Variants in HS6ST3 observed in about 807,000 individuals in gnomAD.
HS6ST3 encodes the protein heparan-sulfate 6-O-sulfotransferase 3.
In HS6ST3, 12 loss-of-function variants were observed where a neutral mutation model predicts 36.7. The observed-to-expected ratio is 0.33, with a 90% CI of 0.21 to 0.53. HS6ST3 has a LOEUF of 0.53. HS6ST3 is among the 20% of genes least tolerant of loss of function. HS6ST3 has a pLI of 0.95. For missense variants in HS6ST3, 584 were observed against 640.9 expected (o/e 0.91, Z 0.96); for synonymous variants, 240 against 257.5 (o/e 0.93, Z 0.65).
intron 1 of HS6ST3, among the ~76,000 whole-genome samples, chr13:96,813,233 G>C (rs896830280): frequency 1.3e-5 from 2 of 152,172 alleles, no homozygotes; most frequent in African/African-American, 4.8e-5. Context: ...GACAGAAAAT[G>C]TTAAAAACAC....
At chr13:96,800,098 C>T (rs961244129) in intron 1 of HS6ST3, among the ~76,000 whole-genome samples, 8 of 148,162 alleles carry the variant, frequency 5.4e-5, no homozygotes, top group African/African-American at 2.0e-4. Context: ...GCCCTTGTTA[C>T]TCTTGGGCAT....
At position 96,154,092 on chromosome 13, in the gene HS6ST3, G is replaced by A. The variant is rs567450569; in HGVS notation, c.707+62523G>A. ...ATTTTATATAAAACAGCACACTATC[G>A]GGCACTTAGTGATTTTTCAGTGAAA... On this transcript the variant is annotated intron_variant, in intron 1 of 1. Transcript: ENST00000376705. 3.9e-5 allele frequency among the ~76,000 whole-genome samples: 6 copies of A among 151,922 alleles called. No individual in the cohort carries two copies. In the South Asian group the frequency reaches 6.3e-4, roughly 16 times the overall value.
At chr13:96,771,561 A>G (rs1472512695) in intron 1 of HS6ST3, among the ~76,000 whole-genome samples, 1 of 152,226 alleles carries the variant, frequency 6.6e-6, no homozygotes, top group African/African-American at 2.4e-5. Flanking sequence ...GGAGAAACCT[A>G]ATGATTCCAG....
intron 1 of HS6ST3, among the ~76,000 whole-genome samples, chr13:96,458,626 A>G (rs1477359514): frequency 5.3e-5 from 8 of 151,780 alleles, no homozygotes; most frequent in Non-Finnish European, 1.0e-4. Context: ...TACATTTGTC[A>G]AGTTCTCAAG....
At chr13:96,331,788 C>G (rs1028266889) in intron 1 of HS6ST3, among the ~76,000 whole-genome samples, 1 of 151,994 alleles carries the variant, frequency 6.6e-6, no homozygotes, top group Non-Finnish European at 1.5e-5. Flanking sequence ...GCCTCGCTGC[C>G]GCCTTGCAGT....
intron 1 of HS6ST3, among the ~76,000 whole-genome samples, chr13:96,609,543 CTG>C (rs2056450281): frequency 6.6e-6 from 1 of 152,106 alleles, no homozygotes; most frequent in Non-Finnish European, 1.5e-5. Context: ...CCATTGTAAA[CTG>C]AGGCATGTGT....
At chr13:96,531,992 C>G (rs887459760) in intron 1 of HS6ST3, among the ~76,000 whole-genome samples, 2 of 152,310 alleles carry the variant, frequency 1.3e-5, no homozygotes, top group East Asian at 1.9e-4. Flanking sequence ...TAGAACATAC[C>G]TACCTCCCAA....
chr13:96,497,731 A>G (rs1029031615), intron 1 of HS6ST3, among the ~76,000 whole-genome samples: 4 of 152,114 alleles, frequency 2.6e-5, no homozygotes, highest in African/African-American at 7.2e-5. Flanking sequence ...AGGCTTCAGA[A>G]CTGGTTAAAA....
chr13:96,797,269 T>G (rs1413328254), intron 1 of HS6ST3, among the ~76,000 whole-genome samples: 4 of 152,088 alleles, frequency 2.6e-5, no homozygotes, highest in Non-Finnish European at 4.4e-5. Flanking sequence ...GATCTGGGGC[T>G]ACACTGATAC....
At chr13:96,820,958 A>G (rs988726618) in intron 1 of HS6ST3, among the ~76,000 whole-genome samples, 14 of 152,318 alleles carry the variant, frequency 9.2e-5, no homozygotes, top group East Asian at 3.9e-4. Flanking sequence ...CTTTATTTCA[A>G]TTCTCTTGCA....
intron 1 of HS6ST3, among the ~76,000 whole-genome samples, chr13:96,726,966 G>T (rs963234110): frequency 5.3e-5 from 8 of 152,148 alleles, no homozygotes; most frequent in Middle Eastern, 3.4e-3. Context: ...TGCTTTCTTT[G>T]CTACTCTGTG....
At chr13:96,408,890 C>A (rs546922933) in intron 1 of HS6ST3, among the ~76,000 whole-genome samples, 1 of 152,106 alleles carries the variant, frequency 6.6e-6, no homozygotes, top group East Asian at 1.9e-4. Context: ...TGCCACTGCA[C>A]TCCAGCTTTG....
At chr13:96,345,373 T>G (rs1420422099) in intron 1 of HS6ST3, among the ~76,000 whole-genome samples, 1 of 152,232 alleles carries the variant, frequency 6.6e-6, no homozygotes, top group Non-Finnish European at 1.5e-5. Context: ...TTTGTCTTAG[T>G]GACTGGATTA....
intron 1 of HS6ST3, among the ~76,000 whole-genome samples, chr13:96,600,075 A>C (rs557576343): frequency 6.6e-6 from 1 of 152,074 alleles, no homozygotes; most frequent in South Asian, 2.1e-4. Flanking sequence ...TGGAAAATGC[A>C]CCATGCGCTG....
chr13:96,760,298 A>C (rs1398273112), intron 1 of HS6ST3, among the ~76,000 whole-genome samples: 5 of 151,990 alleles, frequency 3.3e-5, no homozygotes, highest in Non-Finnish European at 7.4e-5. Context: ...TTTGATTATA[A>C]TTATGATTTT....
chr13:96,536,448 G>C (rs527537708), intron 1 of HS6ST3, among the ~76,000 whole-genome samples: 7 of 152,294 alleles, frequency 4.6e-5, no homozygotes, highest in Admixed American at 2.0e-4. Context: ...AAAATAAGAT[G>C]CTCTCCCTCT....
At position 96,502,608 on chromosome 13, in the gene HS6ST3, C is replaced by T. The variant is rs944463594; in HGVS notation, c.708-329882C>T. The stretch of plus-strand genomic sequence containing the variant: ...ATCATGGCCTTTCAAGGAAGATTCA[C>T]TGGAGTCAGATATACAATATCCCGA... On this transcript the variant is annotated intron_variant, in intron 1 of 1. Coordinates refer to ENST00000376705, the MANE Select transcript of HS6ST3 (RefSeq NM_153456.4). 3.9e-5 allele frequency among the ~76,000 whole-genome samples: 6 copies of T among 152,274 alleles called. No homozygotes were observed. In the East Asian group the frequency reaches 1.2e-3, roughly 29 times the overall value.
At chr13:96,370,518 T>C (rs2055284211) in intron 1 of HS6ST3, among the ~76,000 whole-genome samples, 1 of 152,228 alleles carries the variant, frequency 6.6e-6, no homozygotes, top group African/African-American at 2.4e-5. Context: ...TTACCGTCAC[T>C]ATTGAACTTC....
chr13:96,332,677 C>T (rs763738226), intron 1 of HS6ST3, among the ~76,000 whole-genome samples: 13 of 152,072 alleles, frequency 8.5e-5, no homozygotes, highest in Non-Finnish European at 1.6e-4. Flanking sequence ...CCACTATGAC[C>T]GAAGGGATTG....
Sources: allele counts gnomAD v4.1 joint callset (sites outside exome capture counted in the v4.1 genomes callset), GRCh38; gene constraint gnomAD v4.1.1; transcripts MANE v1.5; gene names NCBI Gene and HGNC (gene_info 2026-07-23, HGNC 2026-07-21).